DUS2: variants seen among roughly 807,000 people sequenced by gnomAD.
DUS2 encodes dihydrouridine synthase 2.
DUS2 carries 52 observed loss-of-function variants against 71.3 expected under a neutral mutation model. The observed-to-expected ratio is 0.73, with a 90% CI of 0.58 to 0.92. The LOEUF is 0.92. DUS2 is among the 40% of genes least tolerant of loss of function. The pLI is 0.00. For missense variants in DUS2, 558 were observed against 622.6 expected, an observed-to-expected ratio of 0.90 and a Z score of 1.10; for synonymous variants, 204 against 227.8, an observed-to-expected ratio of 0.90 and a Z score of 0.94.
intron 8 of DUS2, 140 bp from the exon 9 acceptor site, chr16:68,066,177 A>G (rs2034002201): frequency 1.3e-6 from 1 of 791,398 alleles, no homozygotes; most frequent in Admixed American, 1.8e-5. Context: ...TATGTGTGTA[A>G]CAGACACACA....
At chr16:68,070,841 C>G in intron 11 of DUS2, 99 bp from the exon 12 acceptor site, 1 of 1,343,456 alleles carries the variant, frequency 7.4e-7, no homozygotes, top group Non-Finnish European at 1.0e-6. Context: ...TGGCCAAATT[C>G]ACATTGTTAA....
intron 8 of DUS2, among the ~76,000 whole-genome samples, chr16:68,063,972 C>G (rs1375269202): frequency 2.6e-5 from 4 of 152,162 alleles, no homozygotes; most frequent in African/African-American, 9.7e-5. Flanking sequence ...ATCTGGCCTC[C>G]AAAAGTGCTG....
At chr16:68,038,830 C>G (rs2033575366) in intron 3 of DUS2, among the ~76,000 whole-genome samples, 1 of 151,572 alleles carries the variant, frequency 6.6e-6, no homozygotes, top group Admixed American at 6.6e-5. Context: ...AGGAGGATCA[C>G]TTGAGCCTAG....
At chr16:68,052,490 A>G (rs942612051) in intron 4 of DUS2, among the ~76,000 whole-genome samples, 3 of 152,184 alleles carry the variant, frequency 2.0e-5, no homozygotes, top group Non-Finnish European at 4.4e-5. Flanking sequence ...ATATGCAACT[A>G]TGAATAGTAT....
At position 68,075,429 on chromosome 16, in the gene DUS2, C is replaced by G. The variant is rs150826305; in HGVS notation, c.1007C>G (p.Ala336Gly). The G allele has an allele frequency of 6.8e-5, 109 of 1,613,862 alleles. No individual in the cohort carries two copies. The highest frequency in any genetic ancestry group is 2.2e-5 in the South Asian group (2 of 91,002). Reference protein sequence around the residue: ...ELDAQQARLSAKTSEQTGEPA... With the variant: ...ELDAQQARLSGKTSEQTGEPA... ...GATGCCCAGCAGGCCAGGCTCTCAG[C>G]CAAGACTTCAGAGCAGACAGGGGAG... The change falls in exon 14 of 17, where the codon GCC becomes GGC. Residue 336 changes from alanine to glycine, a missense_variant. Transcript: ENST00000565263.
At chr16:68,052,089 A>C (rs2033786696) in intron 4 of DUS2, among the ~76,000 whole-genome samples, 1 of 151,520 alleles carries the variant, frequency 6.6e-6, no homozygotes, top group African/African-American at 2.4e-5. Flanking sequence ...ATTTTAGTAG[A>C]GACTTGAGTT....
intron 8 of DUS2, among the ~76,000 whole-genome samples, chr16:68,065,248 A>G (rs1401835281): frequency 6.6e-6 from 1 of 152,018 alleles, no homozygotes; most frequent in Non-Finnish European, 1.5e-5. Flanking sequence ...TCACTCATGT[A>G]TGTCTGACTG....
At chr16:68,068,531 T>C (rs1013673538) in intron 10 of DUS2, among the ~76,000 whole-genome samples, 3 of 152,140 alleles carry the variant, frequency 2.0e-5, no homozygotes, top group South Asian at 2.1e-4. Flanking sequence ...TTTTATGAGA[T>C]TGTGAATATA....
At chr16:68,035,843 T>C (rs1413703932) in intron 2 of DUS2, among the ~76,000 whole-genome samples, 1 of 141,976 alleles carries the variant, frequency 7.0e-6, no homozygotes, top group Non-Finnish European at 1.5e-5. Context: ...GCTTCCCGAG[T>C]AGCTAGGATT....
At chr16:68,074,533 C>T (rs2034131447) in intron 13 of DUS2, among the ~76,000 whole-genome samples, 1 of 152,230 alleles carries the variant, frequency 6.6e-6, no homozygotes, top group Non-Finnish European at 1.5e-5. Flanking sequence ...GTTTGAGAGA[C>T]CACCTGTTGA....
At chr16:68,050,830 C>T (rs1056811220) in intron 4 of DUS2, among the ~76,000 whole-genome samples, 9 of 152,144 alleles carry the variant, frequency 5.9e-5, no homozygotes, top group Non-Finnish European at 1.2e-4. Context: ...AGAGCCTTAA[C>T]AGGGGTTCCC....
chr16:68,035,915 T>C lies in DUS2; in HGVS notation c.-18-2091T>C, dbSNP rs935842924. Among the ~76,000 whole-genome samples the C allele has an allele frequency of 7.5e-5, 8 of 107,334 alleles. No individual in the cohort carries two copies. The South Asian group carries it at 1.1e-3, about 15-fold the overall frequency. The allele number at this position is 107,334 out of a possible 152,430, so 70.4% of individuals were successfully genotyped here. ...ATATATATATATATATATATATATA[T>C]ATATATATATATATACACACATACA... On this transcript the variant is annotated intron_variant, in intron 2 of 16. Coordinates refer to ENST00000565263, the MANE Select transcript of DUS2 (RefSeq NM_017803.5).
chr16:68,077,024 A>G (rs2034168882), intron 15 of DUS2, among the ~76,000 whole-genome samples: 1 of 151,808 alleles, frequency 6.6e-6, no homozygotes, highest in Non-Finnish European at 1.5e-5. Context: ...TGGGAGGCCG[A>G]GGCAGGTGGA....
At position 68,052,717 on chromosome 16, in the gene DUS2, A is replaced by T. The variant is rs566113217; in HGVS notation, c.173-847A>T. On this transcript the variant is annotated intron_variant, in intron 4 of 16. Coordinates refer to ENST00000565263, the MANE Select transcript of DUS2 (RefSeq NM_017803.5). Reference sequence around the variant, plus strand: ...GAGTGCAGTGGCGCGATCTCAGCTCACTGCAATCTCTGCCTCCCAGGTTCA... The same window carrying T: ...GAGTGCAGTGGCGCGATCTCAGCTCTCTGCAATCTCTGCCTCCCAGGTTCA... Among the ~76,000 whole-genome samples the T allele has an allele frequency of 2.1e-5, 3 of 145,306 alleles. No homozygotes were observed. In the East Asian group the frequency reaches 6.2e-4, roughly 30 times the overall value.
In DUS2 at chr16:68,070,985, C is replaced by CT. The variant is rs755135629; in HGVS notation, c.690dup (p.Arg231SerfsTer45). The CT allele has an allele frequency of 5.0e-6, 8 of 1,614,228 alleles. No homozygotes were observed. Among genetic ancestry groups the CT allele is most frequent in the Admixed American group, 1.7e-5 (1 of 60,032 alleles). ...TCCAACAGTATTCGGACATAGAGGA[C>CT]TTTCGACAAGCCACGGCAGCCTCTT... On this transcript the variant is annotated frameshift_variant, in exon 12 of 17. Coordinates refer to ENST00000565263, the MANE Select transcript of DUS2 (RefSeq NM_017803.5). LOFTEE classifies it high-confidence loss of function.
At chr16:68,061,220 T>G in intron 8 of DUS2, 107 bp downstream of exon 8, 1 of 1,229,236 alleles carries the variant, frequency 8.1e-7, no homozygotes, top group Non-Finnish European at 1.2e-6. Context: ...GTCCACCCAG[T>G]TTCTCTCCCT....
intron 3 of DUS2, among the ~76,000 whole-genome samples, chr16:68,040,926 C>A (rs764165358): frequency 6.6e-6 from 1 of 152,062 alleles, no homozygotes; most frequent in African/African-American, 2.4e-5. Context: ...CATGTAGGCA[C>A]CTCCTTAAAA....
chr16:68,058,302 G>A (rs1320058046), intron 7 of DUS2, among the ~76,000 whole-genome samples: 2 of 150,518 alleles, frequency 1.3e-5, no homozygotes, highest in East Asian at 3.9e-4. Context: ...TCGGCTGACT[G>A]CAACCTCCGT....
chr16:68,068,584 C>CTT (rs59827856), intron 10 of DUS2, among the ~76,000 whole-genome samples: 15 of 67,254 alleles, frequency 2.2e-4, no homozygotes, highest in Admixed American at 7.3e-4. Flanking sequence ...CTTTCTCTCT[C>CTT]TTTTTTTTTT....
Sources: gnomAD v4.1 joint callset for allele counts (sites outside exome capture counted in the v4.1 genomes callset) on GRCh38, gnomAD v4.1.1 for gene constraint, MANE v1.5 for transcripts, NCBI Gene and HGNC (gene_info 2026-07-23, HGNC 2026-07-21) for gene names.